The following DIP2A variants were observed in gnomAD, a reference collection of about 807,000 sequenced individuals.
DIP2A encodes the protein DIP2 acetate--CoA ligase A.
In DIP2A, 85 loss-of-function variants were observed where a neutral mutation model predicts 177.4. That is an observed-to-expected ratio of 0.48 (90% confidence interval 0.40 to 0.57). The LOEUF (loss-of-function observed/expected upper bound fraction) is 0.57, where lower values mean the gene tolerates loss of function less well. Among genes scored for constraint, DIP2A ranks in the 20% least tolerant of loss-of-function variants. The probability of loss-of-function intolerance (pLI) is 0.00; values close to 1 mark genes in which losing one functional copy is unlikely to be tolerated. For missense variants in DIP2A, 1,791 were observed against 2,100.2 expected, an observed-to-expected ratio of 0.85 and a Z score of 2.88; for synonymous variants, 886 against 881.8, an observed-to-expected ratio of 1.00 and a Z score of -0.08.
chr21:46,555,268 C>T (rs529324626), intron 28 of DIP2A, among the ~76,000 whole-genome samples: 17 of 152,238 alleles, frequency 1.1e-4, no homozygotes, highest in Non-Finnish European at 2.1e-4. Context: ...CACCGCATGC[C>T]GCCACTCCAG....
intron 1 of DIP2A, among the ~76,000 whole-genome samples, chr21:46,464,815 G>GTTTTTTTTTTT (rs1568894284): frequency 3.0e-4 from 13 of 42,956 alleles, no homozygotes; most frequent in Admixed American, 1.6e-3. Flanking sequence ...TAATATTCAT[G>GTTTTTTTTTTT]TCTTTTTTTT....
At chr21:46,543,966 G>A (rs1201351723) in intron 18 of DIP2A, among the ~76,000 whole-genome samples, 3 of 152,176 alleles carry the variant, frequency 2.0e-5, no homozygotes, top group Non-Finnish European at 4.4e-5. Context: ...TGTCTTTGGA[G>A]ATGAGAATAT....
chr21:46,546,397 C>A, intron 20 of DIP2A: 1 of 847,806 alleles, frequency 1.2e-6, no homozygotes, highest in Non-Finnish European at 1.4e-6. Flanking sequence ...TTTTGCTTGT[C>A]ACAACTCAAG....
At chr21:46,521,499 A>T (rs2058822647) in intron 8 of DIP2A, among the ~76,000 whole-genome samples, 1 of 151,912 alleles carries the variant, frequency 6.6e-6, no homozygotes, top group African/African-American at 2.4e-5. Flanking sequence ...ATCTTTCATT[A>T]TTTTTTTAAT....
At chr21:46,518,613 TTGGGAGGC>T (rs1469861471) in intron 8 of DIP2A, among the ~76,000 whole-genome samples, 5 of 152,200 alleles carry the variant, frequency 3.3e-5, no homozygotes, top group Non-Finnish European at 7.3e-5. Context: ...TCCCAGCACT[TTGGGAGGC>T]TGAGATGGGT....
intron 28 of DIP2A, 24 bp downstream of exon 28, chr21:46,554,957 G>C: frequency 1.3e-6 from 2 of 1,544,298 alleles, no homozygotes; most frequent in Non-Finnish European, 1.8e-6. Context: ...CACTGCCCAG[G>C]ACCAGTCCCT....
Position 46,479,146 on chromosome 21 carries a change from G to A in DIP2A, c.92-5611G>A, listed in dbSNP as rs1462279180. ...GGATGCTTTCCAGGGCACCTCGTCC[G>A]TGATGAGCTCCTGCCTCTCTGAGTC... On this transcript the variant is annotated intron_variant, in intron 1 of 37. Coordinates refer to ENST00000417564, the MANE Select transcript of DIP2A (RefSeq NM_015151.4). 3.3e-5 allele frequency among the ~76,000 whole-genome samples: 5 copies of A among 152,306 alleles called. No individual in the cohort carries two copies. The East Asian group carries it at 7.7e-4, about 24-fold the overall frequency.
chr21:46,517,315 G>A (rs2148665358), intron 8 of DIP2A, among the ~76,000 whole-genome samples: 1 of 151,962 alleles, frequency 6.6e-6, no homozygotes, highest in Admixed American at 6.5e-5. Flanking sequence ...CTGGGCTCAA[G>A]TGACCTGCCT....
chr21:46,529,142 C>T lies in DIP2A; in HGVS notation c.1153C>T (p.Leu385=). 1 of 1,533,886 alleles carries T rather than the reference C, an allele frequency of 6.5e-7. No individual in the cohort carries two copies. Among genetic ancestry groups the T allele is most frequent in the Non-Finnish European group, 8.8e-7 (1 of 1,139,934 alleles). The change falls in exon 9 of 38, where the codon CTG becomes TTG. Residue 385 remains leucine, a synonymous_variant. Coordinates refer to ENST00000417564, the MANE Select transcript of DIP2A (RefSeq NM_015151.4). The stretch of plus-strand genomic sequence containing the variant: ...ACTAGCTTATACTCTACTTAATAAA[C>T]TGACAAGTAAGAATGAACCTCTACT... ...LKLAYTLLNK[L]TSKNEPLLKP...
chr21:46,472,670 C>G (rs1421785424), intron 1 of DIP2A, among the ~76,000 whole-genome samples: 1 of 152,146 alleles, frequency 6.6e-6, no homozygotes, highest in Non-Finnish European at 1.5e-5. Flanking sequence ...GGCAGTGTTC[C>G]ACAGGTAGAG....
intron 34 of DIP2A, 49 bp downstream of exon 34, chr21:46,561,854 G>A: frequency 6.2e-7 from 1 of 1,609,694 alleles, no homozygotes; most frequent in Non-Finnish European, 8.5e-7. Context: ...TGAGACCTTT[G>A]TCTGAAGCAT....
At position 46,493,933 on chromosome 21, in the gene DIP2A, C is replaced by T. The variant is rs545061578; in HGVS notation, c.284-3055C>T. ...ATGCCCTGCCTTGGATTAATCTATA[C>T]TCTACCTGCTTCCTCCCTTCCCATA... On this transcript the variant is annotated intron_variant, in intron 3 of 37. Coordinates refer to ENST00000417564, the MANE Select transcript of DIP2A (RefSeq NM_015151.4). Among the ~76,000 whole-genome samples, 152 of 152,332 alleles carry T rather than the reference C, an allele frequency of 1.0e-3. 1 individual carries two copies. Among genetic ancestry groups the T allele is most frequent in the African/African-American group, 3.4e-3 (140 of 41,568 alleles).
chr21:46,519,298 C>A (rs2058717622), intron 8 of DIP2A, among the ~76,000 whole-genome samples: 1 of 152,144 alleles, frequency 6.6e-6, no homozygotes, highest in Admixed American at 6.6e-5. Context: ...TTGTGCCGAC[C>A]TCCTATCTCA....
intron 25 of DIP2A, 83 bp from the exon 26 acceptor site, chr21:46,554,086 G>A (rs993202595): frequency 1.3e-5 from 19 of 1,509,794 alleles, no homozygotes; most frequent in Non-Finnish European, 1.5e-5. Flanking sequence ...GTGCAGTGGC[G>A]TGCAGGTGGT....
At chr21:46,566,433 G>C (rs1345233338) in intron 36 of DIP2A, 127 bp from the exon 37 acceptor site, 1 of 1,289,986 alleles carries the variant, frequency 7.8e-7, no homozygotes, top group Non-Finnish European at 1.1e-6. Context: ...CGTGGTGTGC[G>C]ACCTCATGAT....
intron 6 of DIP2A, among the ~76,000 whole-genome samples, chr21:46,508,444 C>T (rs1285826655): frequency 4.0e-5 from 6 of 149,454 alleles, no homozygotes; most frequent in African/African-American, 1.5e-4. Context: ...CTGCAAGCTC[C>T]GCCTCCCGGG....
chr21:46,517,154 T>C (rs2058622896), intron 8 of DIP2A, among the ~76,000 whole-genome samples: 1 of 149,006 alleles, frequency 6.7e-6, no homozygotes, highest in African/African-American at 2.5e-5. Context: ...CTTGACTTCT[T>C]GGGCTCAAGA....
At chr21:46,528,121 G>A (rs2059184351) in intron 8 of DIP2A, among the ~76,000 whole-genome samples, 1 of 152,084 alleles carries the variant, frequency 6.6e-6, no homozygotes, top group Non-Finnish European at 1.5e-5. Context: ...AAGAATGGAT[G>A]GCATTGATAC....
chr21:46,562,739 G>A (rs2839327), intron 34 of DIP2A, among the ~76,000 whole-genome samples: 117,773 of 152,098 alleles, frequency 0.77, 45,849 homozygotes, highest in Admixed American at 0.8. Context: ...CTCCCTTCCC[G>A]TGTCCCCTGT....
Sources: allele counts gnomAD v4.1 joint callset (sites outside exome capture counted in the v4.1 genomes callset), GRCh38; gene constraint gnomAD v4.1.1; transcripts MANE v1.5; gene names NCBI Gene and HGNC (gene_info 2026-07-23, HGNC 2026-07-21).